IGSF3: variants seen among roughly 807,000 people sequenced by gnomAD.
IGSF3 encodes the protein glu-Trp-Ile EWI motif-containing protein 3.
IGSF3 carries 23 observed loss-of-function variants against 114.4 expected under a neutral mutation model. The ratio of observed to expected loss-of-function variants is 0.20; its 90% CI spans 0.14 to 0.28. IGSF3 has a LOEUF of 0.28. Ranked by LOEUF, IGSF3 falls within the 10% of genes least tolerant of loss-of-function variation. The pLI is 1.00. For synonymous variants in IGSF3, 571 were observed against 645.2 expected, an observed-to-expected ratio of 0.88 and a Z score of 1.74; for missense variants, 1,172 against 1,591.5, an observed-to-expected ratio of 0.74 and a Z score of 4.48.
At position 116,636,651 on chromosome 1, in the gene IGSF3, A is replaced by G. The variant is rs1647845828; in HGVS notation, c.44-20194T>C. 6.6e-6 allele frequency among the ~76,000 whole-genome samples: 1 copy of G among 152,282 alleles called. No homozygotes were observed. Among genetic ancestry groups the G allele is most frequent in the East Asian group, 1.9e-4 (1 of 5,184 alleles). Reference sequence around the variant, plus strand: ...CCAGGAGCGAGGCCTGAAAAGCTGCATGACTCACCCAAGGTCACGAGCAAG... The same window carrying G: ...CCAGGAGCGAGGCCTGAAAAGCTGCGTGACTCACCCAAGGTCACGAGCAAG... On this transcript the variant is annotated intron_variant, in intron 2 of 10. Coordinates refer to ENST00000369486, the MANE Select transcript of IGSF3 (RefSeq NM_001007237.3). This position sits in a 1 kb window ranked among gnomAD's most constrained non-coding sequence, Gnocchi z 4.5.
chr1:116,591,755 C>A (rs1393873730), intron 7 of IGSF3, among the ~76,000 whole-genome samples: 5 of 152,142 alleles, frequency 3.3e-5, no homozygotes, highest in African/African-American at 4.8e-5. Flanking sequence ...AATTAGGGAG[C>A]CCTCCCATGT....
rs1316714863 is a variant in IGSF3, at chr1:116,579,668, C to CCTT, written c.3057_3058insAAG (p.Glu1019_Asp1020insLys). 1 of 1,509,232 alleles carries CCTT rather than the reference C, an allele frequency of 6.6e-7. No individual in the cohort carries two copies. Among genetic ancestry groups the CCTT allele is most frequent in the Non-Finnish European group, 9.1e-7 (1 of 1,098,126 alleles). 93.5% of individuals were successfully genotyped at this position (1,509,232 alleles called of 1,614,324 possible). ...GTTGGGTCGTCGTCGTCGTCGTCGT[C>CCTT]CTCCTCCTCCTCCTCCTCCCTTTCC... is the stretch of plus-strand genomic sequence containing the variant. On this transcript the variant is annotated inframe_insertion, in exon 10 of 11. Transcript: ENST00000369486. The surrounding 1 kb of genome is among the most constrained non-coding windows in gnomAD (Gnocchi z 6.4).
rs1660151860 is a variant in IGSF3 at position 116,592,389 on chromosome 1, A to G, written c.2030-3285T>C. 6.6e-6 allele frequency among the ~76,000 whole-genome samples: 1 copy of G among 152,238 alleles called. No homozygotes were observed. The highest frequency in any genetic ancestry group is 2.4e-5 in the African/African-American group (1 of 41,464). ...TCCGAGAGTTGCTCCAGCTCACGCC[A>G]GCAGCTGCCTTCACAGCAGCCCCCA... On this transcript the variant is annotated intron_variant, in intron 7 of 10. Coordinates refer to ENST00000369486, the MANE Select transcript of IGSF3 (RefSeq NM_001007237.3). This position sits in a 1 kb window ranked among gnomAD's most constrained non-coding sequence, Gnocchi z 4.5.
In IGSF3 at chr1:116,650,642, C is replaced by T. The variant is rs1212296961; in HGVS notation, c.43+15642G>A. 6.6e-6 allele frequency among the ~76,000 whole-genome samples: 1 copy of T among 152,204 alleles called. No homozygotes were observed. On this transcript the variant is annotated intron_variant, in intron 2 of 10. Coordinates refer to ENST00000369486, the MANE Select transcript of IGSF3 (RefSeq NM_001007237.3). This position sits in a 1 kb window ranked among gnomAD's most constrained non-coding sequence, Gnocchi z 5.0. Reference sequence around the variant, plus strand: ...AAGAGCCACTGTAGGTAACCAATCACGTCTACCACAGGCAGGGACCAATAC... The same window carrying T: ...AAGAGCCACTGTAGGTAACCAATCATGTCTACCACAGGCAGGGACCAATAC...
intron 9 of IGSF3, among the ~76,000 whole-genome samples, chr1:116,581,865 AG>A (rs752504265): frequency 6.6e-6 from 1 of 152,166 alleles, no homozygotes; most frequent in Non-Finnish European, 1.5e-5. Flanking sequence ...GACCAAGGGG[AG>A]CCCCCCACCC....
rs1659776956 is a variant in IGSF3 at position 116,585,107 on chromosome 1, G to A, written c.2441-55C>T. 11 of 1,389,444 alleles carry A rather than the reference G, an allele frequency of 7.9e-6. No homozygotes were observed. In the Admixed American group the frequency reaches 1.4e-4, roughly 18 times the overall value. The allele number at this position is 1,389,444 out of a possible 1,614,324, so 86.1% of individuals were successfully genotyped here. A position where few individuals can be genotyped will look rare whatever the true frequency, so the allele number is the denominator to read the frequency against. ...CAAAAGGACAACAAGCAATTCGTAC[G>A]CACCCTTTCCCAGGGTAGGTGAATG... On this transcript the variant is annotated intron_variant, in intron 8 of 10. Transcript: ENST00000369486. This position sits in a 1 kb window ranked among gnomAD's most constrained non-coding sequence, Gnocchi z 4.9.
In IGSF3 at chr1:116,624,312, C is replaced by A. The variant is rs540104614; in HGVS notation, c.44-7855G>T. On this transcript the variant is annotated intron_variant, in intron 2 of 10. Coordinates refer to ENST00000369486, the MANE Select transcript of IGSF3 (RefSeq NM_001007237.3). This position sits in a 1 kb window ranked among gnomAD's most constrained non-coding sequence, Gnocchi z 4.9. ...AGTTTGGATCGAATTCCTAAGTCTTCGCCTTCACTGACTTCCCACAGCATG... is the reference window on the plus strand; with the variant it reads ...AGTTTGGATCGAATTCCTAAGTCTTAGCCTTCACTGACTTCCCACAGCATG... 7.4e-4 allele frequency among the ~76,000 whole-genome samples: 112 copies of A among 152,256 alleles called. 1 individual carries two copies. Among genetic ancestry groups the A allele is most frequent in the Admixed American group, 1.4e-3 (22 of 15,302 alleles).
At position 116,588,818 on chromosome 1, in the gene IGSF3, G is replaced by A. The variant is rs767269269; in HGVS notation, c.2316C>T (p.Ala772=). The A allele has an allele frequency of 8.7e-6, 14 of 1,614,040 alleles. No homozygotes were observed. The African/African-American group carries it at 1.1e-4, about 12-fold the overall frequency. ...GGLFSLTVQR[A]EVSDSGSYYC... is the part of the protein sequence containing the mutation. ...AGTAGCTGCCGCTGTCGCTGACCTC[G>A]GCTCTCTGGACGGTGAGGCTGAACA... Residue 772 remains alanine, a synonymous_variant, in exon 8 of 11, where the codon GCC becomes GCT. Coordinates refer to ENST00000369486, the MANE Select transcript of IGSF3 (RefSeq NM_001007237.3). This position sits in a 1 kb window ranked among gnomAD's most constrained non-coding sequence, Gnocchi z 4.9.
rs1647917382 is a variant in IGSF3, at chr1:116,638,078, C to T, written c.44-21621G>A. On this transcript the variant is annotated intron_variant, in intron 2 of 10. Transcript: ENST00000369486. The surrounding 1 kb of genome is among the most constrained non-coding windows in gnomAD (Gnocchi z 4.1). The stretch of plus-strand genomic sequence containing the variant: ...AACACACCAACTTTGATGCCAAATC[C>T]CATGCCATCCCACACATCTTAAAAA... Among the ~76,000 whole-genome samples, 2 of 152,258 alleles carry T rather than the reference C, an allele frequency of 1.3e-5. No homozygotes were observed. Among genetic ancestry groups the T allele is most frequent in the Middle Eastern group, 3.4e-3 (1 of 294 alleles).
At position 116,594,327 on chromosome 1, in the gene IGSF3, T is replaced by C. The variant is rs1660250374; in HGVS notation, c.2030-5223A>G. On this transcript the variant is annotated intron_variant, in intron 7 of 10. Transcript: ENST00000369486. The surrounding 1 kb of genome is among the most constrained non-coding windows in gnomAD (Gnocchi z 5.2). ...CCCACAACTAGGACAATATAGCAAA[T>C]TTTAAAGATATGATTAGGAATGTTA... is the stretch of plus-strand genomic sequence containing the variant. Among the ~76,000 whole-genome samples, 1 of 152,210 alleles carries C rather than the reference T, an allele frequency of 6.6e-6. No homozygotes were observed. The highest frequency in any genetic ancestry group is 2.4e-5 in the African/African-American group (1 of 41,456).
Position 116,648,396 on chromosome 1 carries a change from C to T in IGSF3, c.43+17888G>A, listed in dbSNP as rs1162942073. Among the ~76,000 whole-genome samples, 7 of 152,178 alleles carry T rather than the reference C, an allele frequency of 4.6e-5. No homozygotes were observed. Among genetic ancestry groups the T allele is most frequent in the Admixed American group, 2.6e-4 (4 of 15,290 alleles). On this transcript the variant is annotated intron_variant, in intron 2 of 10. Transcript: ENST00000369486. The surrounding 1 kb of genome is among the most constrained non-coding windows in gnomAD (Gnocchi z 4.7). ...AACAGGATGCACGGGAGATCACACA[C>T]AGAGTAAGAGGTGCCTCTCAAATGC...
chr1:116,656,765 T>TA (rs1237081631), intron 2 of IGSF3, among the ~76,000 whole-genome samples: 1 of 151,908 alleles, frequency 6.6e-6, no homozygotes, highest in Non-Finnish European at 1.5e-5. Context: ...CCATCTCTAC[T>TA]AAAAATACAA....
rs1232195115 is a variant in IGSF3, at chr1:116,605,226, A to T, written c.1223-1201T>A. On this transcript the variant is annotated intron_variant, in intron 5 of 10. Transcript: ENST00000369486. This position sits in a 1 kb window ranked among gnomAD's most constrained non-coding sequence, Gnocchi z 5.1. ...TAATTAAATCAAATCCCAGATTTTA[A>T]GAGGCACACCCAATTACCAAGAGAA... Among the ~76,000 whole-genome samples, 1 of 152,096 alleles carries T rather than the reference A, an allele frequency of 6.6e-6. No individual in the cohort carries two copies. Among genetic ancestry groups the T allele is most frequent in the Non-Finnish European group, 1.5e-5 (1 of 68,024 alleles).
intron 2 of IGSF3, among the ~76,000 whole-genome samples, chr1:116,637,498 G>A (rs1647887077): frequency 6.6e-6 from 1 of 152,148 alleles, no homozygotes; most frequent in Non-Finnish European, 1.5e-5. Context: ...GTCCTTCAGA[G>A]TGTACTGCCT....
chr1:116,640,054 A>AAAAAAAAAAG (rs1553218793), intron 2 of IGSF3, among the ~76,000 whole-genome samples: 1 of 147,486 alleles, frequency 6.8e-6, no homozygotes, highest in African/African-American at 2.7e-5. Flanking sequence ...AAAAAAAAAA[A>AAAAAAAAAAG]AAAGAAAGAA....
rs1349406958 is a variant in IGSF3 at position 116,600,053 on chromosome 1, T to C, written c.1917A>G (p.Glu639=). 6.2e-7 allele frequency: 1 copy of C among 1,614,192 alleles called. No homozygotes were observed. Among genetic ancestry groups the C allele is most frequent in the East Asian group, 2.2e-5 (1 of 44,874 alleles). ...CTGCCACACACTGGTACTTGCCTGC[T>C]TCCGTGTCACTGGCTCGGCTGATGC... ...RLSISRASDT[E]AGKYQCVAEL... Residue 639 remains glutamate (E), a synonymous_variant, in exon 7 of 11, where the codon GAA becomes GAG. Transcript: ENST00000369486. The surrounding 1 kb of genome is among the most constrained non-coding windows in gnomAD (Gnocchi z 5.5).
In IGSF3 at chr1:116,579,351, A is replaced by G; in HGVS notation, c.3334+41T>C. 1.3e-6 allele frequency: 2 copies of G among 1,518,752 alleles called. No individual in the cohort carries two copies. Among genetic ancestry groups the G allele is most frequent in the Non-Finnish European group, 1.8e-6 (2 of 1,133,704 alleles). 94.1% of individuals were successfully genotyped at this position (1,518,752 alleles called of 1,614,324 possible). On this transcript the variant is annotated intron_variant, in intron 10 of 10. Transcript: ENST00000369486. The surrounding 1 kb of genome is among the most constrained non-coding windows in gnomAD (Gnocchi z 6.4). The stretch of plus-strand genomic sequence containing the variant: ...AAATTTATCTTCCAGACACAGTTGG[A>G]ACCAACAGTGACATCCTCCCTCTGT...
In IGSF3 at chr1:116,583,697, C is replaced by A. The variant is rs551511255; in HGVS notation, c.2848+948G>T. ...TCCTCCAGGTCCTTACAGGAACCAT[C>A]GACTTTTCATTCTAATATGAATGGA... is the stretch of plus-strand genomic sequence containing the variant. On this transcript the variant is annotated intron_variant, in intron 9 of 10. Coordinates refer to ENST00000369486, the MANE Select transcript of IGSF3 (RefSeq NM_001007237.3). The surrounding 1 kb of genome is among the most constrained non-coding windows in gnomAD (Gnocchi z 4.5). Among the ~76,000 whole-genome samples, 2 of 152,174 alleles carry A rather than the reference C, an allele frequency of 1.3e-5. No homozygotes were observed. The highest frequency in any genetic ancestry group is 2.4e-5 in the African/African-American group (1 of 41,438).
rs1029674616 is a variant in IGSF3 at position 116,574,925 on chromosome 1, A to G, written c.*2387T>C. On this transcript the variant is annotated 3_prime_UTR_variant, in exon 11 of 11. Transcript: ENST00000369486. The surrounding 1 kb of genome is among the most constrained non-coding windows in gnomAD (Gnocchi z 5.2). ...GATGCTATCCCCCAGCCCAATACAA[A>G]ATACACAGAAAAAGCAATTATTAAA... 6.6e-6 allele frequency: 1 copy of G among 152,620 alleles called. No homozygotes were observed. The highest frequency in any genetic ancestry group is 6.5e-5 in the Admixed American group (1 of 15,290). The allele number at this position is 152,620 out of a possible 1,614,324, so 9.5% of individuals were successfully genotyped here.
Sources: gnomAD v4.1 joint callset for allele counts (sites outside exome capture counted in the v4.1 genomes callset) on GRCh38, gnomAD v4.1.1 for gene constraint, Gnocchi (gnomAD v3.1) non-coding constraint, MANE v1.5 for transcripts, NCBI Gene and HGNC (gene_info 2026-07-23, HGNC 2026-07-21) for gene names.